NEK7: variants seen among roughly 807,000 people sequenced by gnomAD.
The protein encoded by NEK7 is serine/threonine-protein kinase Nek7.
NEK7 carries 18 observed loss-of-function variants against 44.6 expected under a neutral mutation model. The observed-to-expected ratio is 0.40, with a 90% confidence interval of 0.28 to 0.60. NEK7 has a LOEUF of 0.60. NEK7 is among the 20% of genes least tolerant of loss of function. The probability of loss-of-function intolerance (pLI) is 0.38; values close to 1 mark genes in which losing one functional copy is unlikely to be tolerated. For synonymous variants in NEK7, 130 were observed against 121.1 expected, an observed-to-expected ratio of 1.07 and a Z score of -0.48; for missense variants, 256 against 366.5, an observed-to-expected ratio of 0.70 and a Z score of 2.46.
chr1:198,280,392 C>G (rs1654158208), intron 7 of NEK7, among the ~76,000 whole-genome samples: 1 of 152,070 alleles, frequency 6.6e-6, no homozygotes, highest in Admixed American at 6.6e-5. Context: ...CACACACACA[C>G]CTGCACATGC....
chr1:198,299,636 T>A (rs1353232697), intron 9 of NEK7, among the ~76,000 whole-genome samples: 4 of 152,134 alleles, frequency 2.6e-5, no homozygotes. Context: ...TTTAAGCAAA[T>A]CAACTTATCA....
chr1:198,160,262 G>GA (rs959039992), intron 1 of NEK7, among the ~76,000 whole-genome samples: 9 of 149,036 alleles, frequency 6.0e-5, no homozygotes, highest in African/African-American at 1.5e-4. Flanking sequence ...CACTTTTGGG[G>GA]AAAAAAAAAG....
chr1:198,209,646 T>C (rs538343959), intron 1 of NEK7, among the ~76,000 whole-genome samples: 8 of 152,128 alleles, frequency 5.3e-5, no homozygotes, highest in Non-Finnish European at 1.2e-4. Context: ...AATTTTTCTT[T>C]CTTTTACTTT....
intron 7 of NEK7, among the ~76,000 whole-genome samples, chr1:198,285,437 C>A (rs1331542468): frequency 1.3e-5 from 2 of 152,198 alleles, no homozygotes; most frequent in African/African-American, 2.4e-5. Flanking sequence ...TCTTTTGTCA[C>A]CCACAGTGAG....
At chr1:198,313,261 C>T (rs960168820) in intron 9 of NEK7, among the ~76,000 whole-genome samples, 2 of 152,080 alleles carry the variant, frequency 1.3e-5, no homozygotes, top group Admixed American at 1.3e-4. Flanking sequence ...AGGATTGCCA[C>T]CCCTCCCTTT....
chr1:198,204,717 CAAAAAAAAAAA>C (rs58273857), intron 1 of NEK7, among the ~76,000 whole-genome samples: 1 of 87,890 alleles, frequency 1.1e-5, no homozygotes, highest in South Asian at 3.4e-4. Flanking sequence ...GACTCCGTCT[CAAAAAAAAAAA>C]AAAAAAAAAA....
chr1:198,310,416 T>A lies in NEK7; in HGVS notation c.799-8996T>A, dbSNP rs549773924. ...GCTGCCTGTTCACTCTGATGGTAGT[T>A]TCTTTTGCTGTGCAGAAGCTCTTTA... is the stretch of plus-strand genomic sequence containing the variant. On this transcript the variant is annotated intron_variant, in intron 9 of 9. Transcript: ENST00000367385. Among the ~76,000 whole-genome samples, 152 of 150,908 alleles carry A rather than the reference T, an allele frequency of 1.0e-3. 3 individuals carry two copies. Among genetic ancestry groups the A allele is most frequent in the Middle Eastern group, 3.4e-3 (1 of 294 alleles).
At chr1:198,250,337 G>C (rs947223912) in intron 2 of NEK7, among the ~76,000 whole-genome samples, 6 of 151,756 alleles carry the variant, frequency 4.0e-5, no homozygotes, top group East Asian at 3.9e-4. Context: ...TTGTTCTTTT[G>C]GCTTAGAATT....
At chr1:198,308,110 G>T (rs1285353860) in intron 9 of NEK7, among the ~76,000 whole-genome samples, 1 of 152,070 alleles carries the variant, frequency 6.6e-6, no homozygotes, top group Admixed American at 6.5e-5. Context: ...GGAAGGTTTT[G>T]TAAAATGATA....
intron 1 of NEK7, among the ~76,000 whole-genome samples, chr1:198,226,905 A>G (rs1348042434): frequency 6.6e-6 from 1 of 151,902 alleles, no homozygotes; most frequent in Admixed American, 6.6e-5. Flanking sequence ...TTTAGGGTAC[A>G]TATACACAAC....
At chr1:198,269,073 G>A (rs1463376025) in intron 5 of NEK7, among the ~76,000 whole-genome samples, 1 of 152,064 alleles carries the variant, frequency 6.6e-6, no homozygotes, top group African/African-American at 2.4e-5. Context: ...ATTCATGTGT[G>A]TAATTATTTT....
chr1:198,279,845 C>A (rs1178724595), intron 7 of NEK7, among the ~76,000 whole-genome samples: 1 of 151,866 alleles, frequency 6.6e-6, no homozygotes, highest in African/African-American at 2.4e-5. Flanking sequence ...GCTTTGTTAC[C>A]TAAGGTTCCG....
chr1:198,271,698 A>G (rs1046538954), intron 5 of NEK7, among the ~76,000 whole-genome samples: 14 of 151,712 alleles, frequency 9.2e-5, no homozygotes, highest in Non-Finnish European at 2.1e-4. Flanking sequence ...ATCTGGACAA[A>G]GTGTATAGCC....
rs1391584004 is a variant in NEK7, at chr1:198,279,050, C to T, written c.578C>T (p.Ala193Val). 3.7e-6 allele frequency: 6 copies of T among 1,600,128 alleles called. No individual in the cohort carries two copies. The highest frequency in any genetic ancestry group is 5.1e-6 in the Non-Finnish European group (6 of 1,168,104). ...TTTTTCAGCTCAAAAACCACAGCTG[C>T]ACATTCTTTAGGTAAGAGACACAAT... ...GRFFSSKTTAAHSLVGTPYYM... is the reference protein window; with the variant it reads ...GRFFSSKTTAVHSLVGTPYYM... Residue 193 changes from alanine to valine, a missense_variant, in exon 7 of 10, where the codon GCA becomes GTA. Ala to Val is a moderately conservative substitution (Grantham distance 64). Around this residue, in one of 3 missense-constraint regions of NEK7, gnomAD observed 102 missense variants for 205.2 expected, o/e 0.50. Transcript: ENST00000367385.
chr1:198,244,939 A>T (rs1353682388), intron 2 of NEK7, among the ~76,000 whole-genome samples: 5 of 152,186 alleles, frequency 3.3e-5, no homozygotes, highest in African/African-American at 9.7e-5. Context: ...AAACCTGTAT[A>T]TAACTTTTGA....
chr1:198,176,100 G>A (rs1425701568), intron 1 of NEK7, among the ~76,000 whole-genome samples: 1 of 152,164 alleles, frequency 6.6e-6, no homozygotes, highest in African/African-American at 2.4e-5. Flanking sequence ...GGTTAGACCT[G>A]TAGTCTTTTA....
chr1:198,176,471 A>G (rs1231047957), intron 1 of NEK7, among the ~76,000 whole-genome samples: 1 of 152,168 alleles, frequency 6.6e-6, no homozygotes, highest in Non-Finnish European at 1.5e-5. Context: ...AGGCCAGAGT[A>G]TGGTACTTAT....
chr1:198,265,373 T>C (rs1556015), intron 5 of NEK7, among the ~76,000 whole-genome samples: 30,231 of 152,076 alleles, frequency 0.2, 3,602 homozygotes, highest in African/African-American at 0.32. Flanking sequence ...AGCTATTTAT[T>C]TGAGCTTGCT....
At chr1:198,177,474 T>A (rs754887903) in intron 1 of NEK7, among the ~76,000 whole-genome samples, 1 of 152,082 alleles carries the variant, frequency 6.6e-6, no homozygotes, top group Non-Finnish European at 1.5e-5. Flanking sequence ...TCAGAGACAA[T>A]GTATCACATA....
Sources: gnomAD v4.1 joint callset for allele counts (sites outside exome capture counted in the v4.1 genomes callset) on GRCh38, gnomAD v4.1.1 for gene constraint, gnomAD v4.1.1 regional missense constraint, MANE v1.5 for transcripts, NCBI Gene and HGNC (gene_info 2026-07-23, HGNC 2026-07-21) for gene names.